WWOX: variants seen among roughly 807,000 people sequenced by gnomAD.
The protein encoded by WWOX is WW domain containing oxidoreductase, also known as WW domain-containing oxidoreductase.
A neutral mutation model predicts 46.2 loss-of-function variants in WWOX; 69 were observed. That is an observed-to-expected ratio of 1.49 (90% CI 1.23 to 1.82). WWOX has a LOEUF of 1.82. WWOX is among the 40% of genes most tolerant of loss of function. The probability of loss-of-function intolerance (pLI) is 0.00; values close to 1 mark genes in which losing one functional copy is unlikely to be tolerated. For synonymous variants in WWOX, 359 were observed against 202.6 expected (o/e 1.77, Z -6.56); for missense variants, 919 against 542.6 (o/e 1.69, Z -6.89).
At chr16:78,888,312 T>G (rs1430102368) in intron 8 of WWOX, among the ~76,000 whole-genome samples, 1 of 152,188 alleles carries the variant, frequency 6.6e-6, no homozygotes, top group East Asian at 1.9e-4. Context: ...AGGAGAAAGC[T>G]TTCCTTGATT....
chr16:79,122,847 TTTA>T (rs1367377399), intron 8 of WWOX, among the ~76,000 whole-genome samples: 5 of 152,120 alleles, frequency 3.3e-5, no homozygotes, highest in African/African-American at 1.2e-4. Context: ...ATATGCCCAT[TTTA>T]CAGAAGCAGC....
At chr16:79,125,777 G>T (rs1226732070) in intron 8 of WWOX, among the ~76,000 whole-genome samples, 1 of 152,214 alleles carries the variant, frequency 6.6e-6, no homozygotes, top group African/African-American at 2.4e-5. Context: ...TTGGACTTCA[G>T]AGCCCCTTGT....
intron 8 of WWOX, among the ~76,000 whole-genome samples, chr16:78,749,371 A>G (rs2049424353): frequency 6.6e-6 from 1 of 152,230 alleles, no homozygotes; most frequent in African/African-American, 2.4e-5. Flanking sequence ...ATGTTTTAAA[A>G]TTGAATACAG....
At chr16:78,559,291 C>A (rs566040547) in intron 8 of WWOX, among the ~76,000 whole-genome samples, 2 of 152,108 alleles carry the variant, frequency 1.3e-5, no homozygotes, top group Admixed American at 6.5e-5. Flanking sequence ...CAGGGAAGAA[C>A]GATGGATTTG....
chr16:78,108,300 C>G lies in WWOX; in HGVS notation c.108-123C>G, dbSNP rs1002031588. ...TAGCTGGGGTCACAGTCCTCTTTCTCCTTCTTCCCCCTACTTCCTTCTTAT... is the reference window on the plus strand; with the variant it reads ...TAGCTGGGGTCACAGTCCTCTTTCTGCTTCTTCCCCCTACTTCCTTCTTAT... On this transcript the variant is annotated intron_variant, in intron 1 of 8. Transcript: ENST00000566780. The G allele has an allele frequency of 4.1e-6, 4 of 968,684 alleles. No individual in the cohort carries two copies. In the African/African-American group the frequency reaches 6.6e-5, roughly 16 times the overall value. 60.0% of individuals were successfully genotyped at this position (968,684 alleles called of 1,614,324 possible).
Position 79,103,465 on chromosome 16 carries a change from T to G in WWOX, c.1057-108143T>G, listed in dbSNP as rs139363803. ...AAGGATTCACTCCTTCCTTGGATTT[T>G]GTGCCTCTTCCCCTGTTCCTGAGGC... On this transcript the variant is annotated intron_variant, in intron 8 of 8. Coordinates refer to ENST00000566780, the MANE Select transcript of WWOX (RefSeq NM_016373.4). Among the ~76,000 whole-genome samples the G allele has an allele frequency of 2.2e-4, 34 of 152,280 alleles. No individual in the cohort carries two copies. In the East Asian group the frequency reaches 6.6e-3, roughly 29 times the overall value.
At chr16:79,163,795 CAAAAAAAAA>C (rs66922536) in intron 8 of WWOX, among the ~76,000 whole-genome samples, 17 of 102,242 alleles carry the variant, frequency 1.7e-4, no homozygotes, top group Admixed American at 3.8e-4. Flanking sequence ...AACTCCACCT[CAAAAAAAAA>C]AAAAAAAAAA....
intron 8 of WWOX, among the ~76,000 whole-genome samples, chr16:79,054,124 T>C (rs1443314467): frequency 6.6e-6 from 1 of 152,202 alleles, no homozygotes; most frequent in East Asian, 1.9e-4. Flanking sequence ...TTTAATGTTT[T>C]AGGCTGTCAA....
intron 8 of WWOX, among the ~76,000 whole-genome samples, chr16:78,858,958 T>A (rs2052636724): frequency 7.3e-6 from 1 of 136,638 alleles, no homozygotes; most frequent in South Asian, 2.4e-4. Flanking sequence ...GGATTACAGG[T>A]GTGAGCCACC....
chr16:78,994,999 C>T (rs1179917884), intron 8 of WWOX, among the ~76,000 whole-genome samples: 14 of 126,586 alleles, frequency 1.1e-4, no homozygotes, highest in African/African-American at 4.0e-4. Context: ...GTTTTTCCTC[C>T]CAGCCTCTCT....
chr16:78,503,085 G>C (rs1248060305), intron 8 of WWOX, among the ~76,000 whole-genome samples: 1 of 152,144 alleles, frequency 6.6e-6, no homozygotes, highest in Non-Finnish European at 1.5e-5. Flanking sequence ...TTCATATGTT[G>C]CTGACTGTTT....
At chr16:78,972,747 T>C (rs2046496864) in intron 8 of WWOX, among the ~76,000 whole-genome samples, 1 of 152,200 alleles carries the variant, frequency 6.6e-6, no homozygotes, top group Admixed American at 6.5e-5. Context: ...ATTATTTCCT[T>C]TTACTTTTAG....
At chr16:78,106,008 C>T (rs1320983000) in intron 1 of WWOX, among the ~76,000 whole-genome samples, 3 of 152,146 alleles carry the variant, frequency 2.0e-5, no homozygotes, top group African/African-American at 7.2e-5. Flanking sequence ...TGCCATGTTG[C>T]CTAGGCTGGT....
chr16:78,164,346 C>G lies in WWOX; in HGVS notation c.516+57C>G, dbSNP rs763524921. ...TTGTCAAATACACATGCCGGGCTAA[C>G]CATATGGAGATTTCAGTGGAGTGTG... On this transcript the variant is annotated intron_variant, in intron 5 of 8. Transcript: ENST00000566780. 7 of 1,484,394 alleles carry G rather than the reference C, an allele frequency of 4.7e-6. No individual in the cohort carries two copies. In the African/African-American group the frequency reaches 6.9e-5, roughly 15 times the overall value. The allele number at this position is 1,484,394 out of a possible 1,614,324, so 92.0% of individuals were successfully genotyped here. A position where few individuals can be genotyped will look rare whatever the true frequency, so the allele number is the denominator to read the frequency against.
At chr16:78,891,498 A>G (rs1220013655) in intron 8 of WWOX, 2 of 152,226 alleles carry the variant, frequency 1.3e-5, no homozygotes, top group South Asian at 2.1e-4. Flanking sequence ...ATATGATTAC[A>G]CCCATGCAGC....
chr16:78,894,020 T>TTA (rs1555561422), intron 8 of WWOX, among the ~76,000 whole-genome samples: 92 of 140,078 alleles, frequency 6.6e-4, no homozygotes, highest in African/African-American at 1.8e-3. Flanking sequence ...TATTGAGGCT[T>TTA]TTATTATTAT....
At chr16:78,720,323 T>G (rs1238336702) in intron 8 of WWOX, among the ~76,000 whole-genome samples, 1 of 152,152 alleles carries the variant, frequency 6.6e-6, no homozygotes, top group East Asian at 1.9e-4. Context: ...CTGAATTATT[T>G]TTCTTTCTTT....
At chr16:78,890,603 G>A (rs973864328) in intron 8 of WWOX, 1 of 152,222 alleles carries the variant, frequency 6.6e-6, no homozygotes, top group African/African-American at 2.4e-5. Flanking sequence ...CAAATTAAGA[G>A]AGAGAAGAGT....
intron 8 of WWOX, among the ~76,000 whole-genome samples, chr16:78,921,542 T>A (rs1207431655): frequency 2.0e-5 from 3 of 152,182 alleles, no homozygotes; most frequent in African/African-American, 7.2e-5. Context: ...AGTCTCATAA[T>A]AAAGATGTCA....
Sources: gnomAD v4.1 joint callset for allele counts (sites outside exome capture counted in the v4.1 genomes callset) on GRCh38, gnomAD v4.1.1 for gene constraint, MANE v1.5 for transcripts, NCBI Gene and HGNC (gene_info 2026-07-23, HGNC 2026-07-21) for gene names.